The following CENPI variants were observed in gnomAD, a reference collection of about 807,000 sequenced individuals.
CENPI encodes the protein centromere protein I.
A neutral mutation model predicts 60.4 loss-of-function variants in CENPI; 4 were observed. The ratio of observed to expected loss-of-function variants is 0.07; its 90% CI spans 0.03 to 0.15. The LOEUF (loss-of-function observed/expected upper bound fraction) is 0.15. Ranked by LOEUF, CENPI falls within the 10% of genes least tolerant of loss-of-function variation. The pLI is 1.00. For synonymous variants in CENPI, 157 were observed against 189.4 expected (o/e 0.83, Z 1.40); for missense variants, 444 against 534.5 (o/e 0.83, Z 1.67).
At chrX:101,113,021 T>C (rs774797730) in intron 6 of CENPI, among the ~76,000 whole-genome samples, 67 of 109,934 alleles carry the variant, frequency 6.1e-4, no homozygotes, top group Non-Finnish European at 1.0e-3. Context: ...CGTAGTTTCT[T>C]TCCTATTCTT....
At position 101,127,614 on chromosome X, in the gene CENPI, A is replaced by G. The variant is rs960375933; in HGVS notation, c.1023A>G (p.Leu341=). Residue 341 remains leucine, a synonymous_variant, in exon 11 of 22, where the codon CTA becomes CTG. Coordinates refer to ENST00000682095, the MANE Select transcript of CENPI (RefSeq NM_001386188.2). ...DCLNRSGSFP[L]EQLQSFPQLL... Reference sequence around the variant, plus strand: ...TGAATAGAAGTGGATCATTTCCACTAGAACAACTTCAAAGCTTCCCCCAAC... The same window carrying G: ...TGAATAGAAGTGGATCATTTCCACTGGAACAACTTCAAAGCTTCCCCCAAC... 1 of 1,194,003 alleles carries G rather than the reference A, an allele frequency of 8.4e-7. No individual in the cohort carries two copies. Among genetic ancestry groups the G allele is most frequent in the African/African-American group, 1.7e-5 (1 of 57,446 alleles).
the CENPI span, among the ~76,000 whole-genome samples, chrX:101,172,169 G>C: frequency 9.0e-6 from 1 of 111,730 alleles, no homozygotes. Context: ...GTGTTGGGGG[G>C]ATGCGGAGGA....
Position 101,163,906 on chromosome X carries a change from G to A in CENPI, c.*939G>A, listed in dbSNP as rs952310137. ...AAAAATTGGCCGGGCATGCCGGCAC[G>A]TGCCTGTAGTCCCAGCTACTCAGGA... On this transcript the variant is annotated 3_prime_UTR_variant, in exon 22 of 22. Transcript: ENST00000682095. Among the ~76,000 whole-genome samples the A allele has an allele frequency of 1.8e-5, 2 of 110,382 alleles. No individual in the cohort carries two copies. The highest frequency in any genetic ancestry group is 3.3e-5 in the African/African-American group (1 of 30,301).
chrX:101,145,496 C>G (rs1194903624), intron 17 of CENPI, among the ~76,000 whole-genome samples: 1 of 110,177 alleles, frequency 9.1e-6, no homozygotes, highest in Admixed American at 9.7e-5. Context: ...CATCCCATTC[C>G]CAACTCCTGG....
intron 4 of CENPI, among the ~76,000 whole-genome samples, chrX:101,103,848 A>G (rs1404047813): frequency 8.9e-6 from 1 of 112,559 alleles, no homozygotes; most frequent in Non-Finnish European, 1.9e-5. Context: ...TACTTTTGTC[A>G]CCAAATACAT....
intron 18 of CENPI, 82 bp from the exon 19 acceptor site, chrX:101,147,681 G>T: frequency 1.3e-6 from 1 of 749,459 alleles, no homozygotes; most frequent in Non-Finnish European, 2.0e-6. Context: ...TAAAATGTAT[G>T]TTTTTTTTAA....
At chrX:101,134,425 G>T (rs1163594745) in intron 15 of CENPI, among the ~76,000 whole-genome samples, 1 of 111,717 alleles carries the variant, frequency 9.0e-6, no homozygotes, top group African/African-American at 3.2e-5. Context: ...CTCCAGGAGG[G>T]TGTTAGCTGC....
chrX:101,132,357 A>G (rs2089803699), intron 14 of CENPI, 35 bp from the exon 15 acceptor site: 1 of 1,199,055 alleles, frequency 8.3e-7, no homozygotes, highest in Non-Finnish European at 1.1e-6. Flanking sequence ...ACTATGATTG[A>G]AAGGATTTTG....
chrX:101,128,696 C>T lies in CENPI; in HGVS notation c.1075-20C>T, dbSNP rs374129924. On this transcript the variant is annotated intron_variant, in intron 11 of 21. Coordinates refer to ENST00000682095, the MANE Select transcript of CENPI (RefSeq NM_001386188.2). ...ACTTTTCAGATACTTAACTGTTGAT[C>T]GGTTGTTCTGTCATTGCAGCTGCCT... 2.3e-5 allele frequency: 27 copies of T among 1,193,602 alleles called. No homozygotes were observed. Among genetic ancestry groups the T allele is most frequent in the African/African-American group, 1.8e-4 (10 of 56,774 alleles).
intron 3 of CENPI, among the ~76,000 whole-genome samples, 165 bp from the exon 4 acceptor site, chrX:101,102,109 A>G (rs1323619839): frequency 2.7e-5 from 3 of 112,436 alleles, no homozygotes; most frequent in Non-Finnish European, 3.8e-5. Flanking sequence ...CCTGGCCTCA[A>G]GTGATCCTCT....
intron 13 of CENPI, among the ~76,000 whole-genome samples, chrX:101,131,203 G>C (rs1388370404): frequency 1.8e-5 from 2 of 110,649 alleles, no homozygotes; most frequent in African/African-American, 6.6e-5. Flanking sequence ...TAAAAACGGG[G>C]ATTTACCACG....
At chrX:101,153,985 A>T (rs1434256656) in intron 20 of CENPI, among the ~76,000 whole-genome samples, 1 of 111,743 alleles carries the variant, frequency 8.9e-6, no homozygotes, top group African/African-American at 3.3e-5. Flanking sequence ...TGAGTACACA[A>T]ATGTACCCAC....
chrX:101,141,209 G>A (rs2089912482), intron 16 of CENPI: 1 of 112,081 alleles, frequency 8.9e-6, no homozygotes, highest in Non-Finnish European at 1.9e-5. Flanking sequence ...TAACTTTGGA[G>A]TTTAAAATAA....
rs966332682 is a variant in CENPI, at chrX:101,162,994, C to G, written c.*27C>G. ...TGAATGTTGACATAAACTGAACACA[C>G]TGGACTAAACTCACTCCTCATTGCT... is the stretch of plus-strand genomic sequence containing the variant. On this transcript the variant is annotated 3_prime_UTR_variant, in exon 22 of 22. Transcript: ENST00000682095. 1.7e-6 allele frequency: 2 copies of G among 1,192,874 alleles called. No homozygotes were observed. The highest frequency in any genetic ancestry group is 1.1e-6 in the Non-Finnish European group (1 of 884,151).
At chrX:101,179,212 C>T in the CENPI span, among the ~76,000 whole-genome samples, 1 of 111,849 alleles carries the variant, frequency 8.9e-6, no homozygotes. Flanking sequence ...CACCAATATG[C>T]GTTCTGGTCT....
chrX:101,138,407 G>A (rs1436999388), intron 15 of CENPI, among the ~76,000 whole-genome samples: 11 of 105,974 alleles, frequency 1.0e-4, no homozygotes, highest in African/African-American at 1.4e-4. Flanking sequence ...GCGTGATCTC[G>A]GCTCACTGCA....
chrX:101,126,478 G>A (rs897175116), intron 8 of CENPI, among the ~76,000 whole-genome samples: 2 of 111,752 alleles, frequency 1.8e-5, no homozygotes, highest in Non-Finnish European at 3.8e-5. Flanking sequence ...CAAGGAAGAA[G>A]TAAAGTTGGA....
intron 20 of CENPI, among the ~76,000 whole-genome samples, chrX:101,149,344 T>A (rs1377146440): frequency 9.0e-6 from 1 of 110,982 alleles, no homozygotes; most frequent in African/African-American, 3.3e-5. Context: ...CAGTAAAAAA[T>A]TTATTTACAA....
intron 20 of CENPI, among the ~76,000 whole-genome samples, chrX:101,160,225 G>C (rs748467569): frequency 1.8e-5 from 2 of 110,986 alleles, no homozygotes; most frequent in South Asian, 7.6e-4. Context: ...GACAATATTG[G>C]AGCATTGTTG....
Sources: allele counts gnomAD v4.1 joint callset (sites outside exome capture counted in the v4.1 genomes callset), GRCh38; gene constraint gnomAD v4.1.1; transcripts MANE v1.5; gene names NCBI Gene and HGNC (gene_info 2026-07-23, HGNC 2026-07-21).